Variants in PTPRT observed in about 807,000 individuals in gnomAD.
PTPRT encodes protein tyrosine phosphatase receptor type T, also known as receptor-type tyrosine-protein phosphatase T.
Under a neutral mutation model 176.8 loss-of-function variants are expected in PTPRT, and 56 were observed. The observed-to-expected ratio is 0.32, with a 90% CI of 0.26 to 0.40. The LOEUF is 0.40. Among genes scored for constraint, PTPRT ranks in the 10% least tolerant of loss-of-function variants. PTPRT has a pLI of 1.00. For missense variants in PTPRT, 1,540 were observed against 1,908.2 expected, an observed-to-expected ratio of 0.81 and a Z score of 3.60; for synonymous variants, 783 against 739.0, an observed-to-expected ratio of 1.06 and a Z score of -0.96.
chr20:42,419,193 T>C (rs958938266), intron 9 of PTPRT, among the ~76,000 whole-genome samples: 4 of 152,178 alleles, frequency 2.6e-5, no homozygotes, highest in African/African-American at 9.7e-5. Context: ...TCAGTGTCAG[T>C]GTTCCAACTG....
chr20:43,073,973 C>T (rs1315962930), intron 1 of PTPRT, among the ~76,000 whole-genome samples: 4 of 152,102 alleles, frequency 2.6e-5, no homozygotes, highest in South Asian at 4.1e-4. Context: ...AGGCTGGTCT[C>T]GAACTCCTGG....
chr20:42,976,913 C>T (rs2146078058), intron 1 of PTPRT, among the ~76,000 whole-genome samples: 1 of 152,268 alleles, frequency 6.6e-6, no homozygotes, highest in Non-Finnish European at 1.5e-5. Context: ...AACTGTCAAA[C>T]TGACAAAACA....
chr20:42,348,432 T>G (rs1398272296), intron 11 of PTPRT, among the ~76,000 whole-genome samples: 1 of 151,244 alleles, frequency 6.6e-6, no homozygotes, highest in Non-Finnish European at 1.5e-5. Flanking sequence ...CCAAAATATA[T>G]CATGCACACC....
intron 1 of PTPRT, among the ~76,000 whole-genome samples, chr20:42,936,063 G>A (rs754387948): frequency 1.8e-4 from 28 of 152,156 alleles, no homozygotes; most frequent in Non-Finnish European, 3.8e-4. Flanking sequence ...GTGAACAAAG[G>A]CAGAAGTGAA....
chr20:42,763,726 G>T (rs1349977177), intron 5 of PTPRT, among the ~76,000 whole-genome samples: 1 of 152,204 alleles, frequency 6.6e-6, no homozygotes, highest in Non-Finnish European at 1.5e-5. Context: ...AGTCTCTAAA[G>T]AATAGCTTTT....
intron 1 of PTPRT, among the ~76,000 whole-genome samples, chr20:43,006,987 C>T (rs1371766858): frequency 6.6e-6 from 1 of 152,078 alleles, no homozygotes; most frequent in African/African-American, 2.4e-5. Context: ...TCGAGGGGAC[C>T]CACCTTCATA....
intron 14 of PTPRT, among the ~76,000 whole-genome samples, chr20:42,240,686 T>TCATG (rs1298216758): frequency 2.5e-5 from 3 of 121,006 alleles, no homozygotes; most frequent in African/African-American, 6.2e-5. Context: ...ATCCATGCAT[T>TCATG]CATGCATGCA....
At chr20:42,704,336 G>A (rs1017201542) in intron 6 of PTPRT, among the ~76,000 whole-genome samples, 1 of 151,514 alleles carries the variant, frequency 6.6e-6, no homozygotes, top group African/African-American at 2.4e-5. Flanking sequence ...GGTTCTCTGT[G>A]GTGTACATTC....
intron 2 of PTPRT, among the ~76,000 whole-genome samples, chr20:42,842,252 A>G (rs1276768896): frequency 1.3e-5 from 2 of 152,044 alleles, no homozygotes; most frequent in African/African-American, 4.8e-5. Flanking sequence ...AACATCCCCA[A>G]AGCTCCAGGA....
chr20:42,523,002 C>T (rs2145504070), intron 7 of PTPRT, among the ~76,000 whole-genome samples: 1 of 152,244 alleles, frequency 6.6e-6, no homozygotes, highest in South Asian at 2.1e-4. Flanking sequence ...CAATTTAGAT[C>T]CTTAATTTCA....
At chr20:42,576,578 G>C (rs1319201540) in intron 7 of PTPRT, among the ~76,000 whole-genome samples, 1 of 152,122 alleles carries the variant, frequency 6.6e-6, no homozygotes, top group Non-Finnish European at 1.5e-5. Flanking sequence ...TGCCCTGGTT[G>C]GGATGGCTTT....
At chr20:42,134,496 G>A (rs1375353844) in intron 18 of PTPRT, among the ~76,000 whole-genome samples, 1 of 152,140 alleles carries the variant, frequency 6.6e-6, no homozygotes, top group Non-Finnish European at 1.5e-5. Flanking sequence ...GTGGCAGAAG[G>A]TAGAAGGGAG....
intron 2 of PTPRT, among the ~76,000 whole-genome samples, chr20:42,809,892 C>T (rs1281166767): frequency 1.3e-5 from 2 of 151,906 alleles, no homozygotes; most frequent in Non-Finnish European, 2.9e-5. Flanking sequence ...CCAGGAATTA[C>T]ACCTTGCACA....
intron 5 of PTPRT, among the ~76,000 whole-genome samples, chr20:42,760,800 A>T (rs902995586): frequency 1.3e-5 from 2 of 152,148 alleles, no homozygotes; most frequent in Non-Finnish European, 2.9e-5. Flanking sequence ...ATCCACTTGG[A>T]GATGTTGTTT....
At chr20:42,124,283 C>G (rs940812796) in intron 19 of PTPRT, among the ~76,000 whole-genome samples, 5 of 152,262 alleles carry the variant, frequency 3.3e-5, no homozygotes, top group African/African-American at 1.2e-4. Context: ...TGACTGCAAA[C>G]CAGCACTGGG....
At chr20:42,490,563 G>T (rs953549956) in intron 7 of PTPRT, among the ~76,000 whole-genome samples, 5 of 151,976 alleles carry the variant, frequency 3.3e-5, no homozygotes, top group Admixed American at 6.6e-5. Flanking sequence ...CTTATATCTG[G>T]CAACCTTGTT....
chr20:42,129,764 T>A (rs76467767), intron 18 of PTPRT, among the ~76,000 whole-genome samples: 1 of 152,304 alleles, frequency 6.6e-6, no homozygotes, highest in East Asian at 1.9e-4. Flanking sequence ...GGAGGTCAGA[T>A]CAGCTTATCT....
intron 6 of PTPRT, among the ~76,000 whole-genome samples, chr20:42,701,620 C>G (rs185483322): frequency 1.3e-5 from 2 of 152,070 alleles, no homozygotes. Flanking sequence ...CCAGGCATGG[C>G]CAGGGTGAAC....
chr20:42,039,510 A>T, the PTPRT span, among the ~76,000 whole-genome samples: 1 of 151,924 alleles, frequency 6.6e-6, no homozygotes, highest in Non-Finnish European at 1.5e-5. Context: ...AGCCTCTGGT[A>T]ACCACCATTT....
Sources: gnomAD v4.1 joint callset for allele counts (sites outside exome capture counted in the v4.1 genomes callset) on GRCh38, gnomAD v4.1.1 for gene constraint, MANE v1.5 for transcripts, NCBI Gene and HGNC (gene_info 2026-07-23, HGNC 2026-07-21) for gene names.